CEP112: variants seen among roughly 807,000 people sequenced by gnomAD.
CEP112 encodes centrosomal protein 112.
CEP112 carries 127 observed loss-of-function variants against 153.0 expected under a neutral mutation model. The observed-to-expected ratio is 0.83, with a 90% confidence interval of 0.72 to 0.96. The LOEUF (loss-of-function observed/expected upper bound fraction) is 0.96. Among genes scored for constraint, CEP112 ranks in the 40% least tolerant of loss-of-function variants. The probability of loss-of-function intolerance (pLI) is 0.00; values close to 1 mark genes in which losing one functional copy is unlikely to be tolerated. For synonymous variants in CEP112, 358 were observed against 374.4 expected, an observed-to-expected ratio of 0.96 and a Z score of 0.51; for missense variants, 1,089 against 1,101.2, an observed-to-expected ratio of 0.99 and a Z score of 0.16.
intron 21 of CEP112, among the ~76,000 whole-genome samples, chr17:65,849,788 G>A (rs2057860240): frequency 6.6e-6 from 1 of 152,160 alleles, no homozygotes; most frequent in Non-Finnish European, 1.5e-5. Context: ...AAGATAAGTG[G>A]CAACACCACT....
chr17:65,949,642 A>G (rs2061755551), intron 18 of CEP112, among the ~76,000 whole-genome samples: 1 of 152,234 alleles, frequency 6.6e-6, no homozygotes, highest in African/African-American at 2.4e-5. Context: ...AGGAGACTCA[A>G]GTAGGTCTGG....
chr17:65,667,876 G>A (rs4791139), intron 24 of CEP112, among the ~76,000 whole-genome samples: 29,699 of 150,050 alleles, frequency 0.2, 3,541 homozygotes, highest in East Asian at 0.44. Context: ...GGAGGCCGAC[G>A]ACTGCGCCAC....
chr17:66,081,012 G>A (rs900880963), intron 8 of CEP112, among the ~76,000 whole-genome samples: 2 of 151,872 alleles, frequency 1.3e-5, no homozygotes, highest in Admixed American at 1.3e-4. Context: ...GGGACTGTCA[G>A]GGGGTAGGGG....
chr17:65,915,038 T>C (rs1324470621), intron 19 of CEP112, among the ~76,000 whole-genome samples: 1 of 152,200 alleles, frequency 6.6e-6, no homozygotes, highest in Non-Finnish European at 1.5e-5. Context: ...CCTGAAACAC[T>C]GCACACGGCT....
chr17:65,885,762 C>T (rs1380600570), intron 20 of CEP112, among the ~76,000 whole-genome samples: 1 of 152,186 alleles, frequency 6.6e-6, no homozygotes, highest in African/African-American at 2.4e-5. Flanking sequence ...CTAGCCTGTC[C>T]TGCAGTGACA....
intron 20 of CEP112, among the ~76,000 whole-genome samples, chr17:65,868,436 G>C (rs185320341): frequency 2.6e-5 from 4 of 151,764 alleles, no homozygotes; most frequent in Non-Finnish European, 5.9e-5. Flanking sequence ...GGAGATAAAG[G>C]TTGCAGCAAG....
At position 65,953,759 on chromosome 17, in the gene CEP112, C is replaced by T. The variant is rs74459995; in HGVS notation, c.1872+7704G>A. ...ATCCCCCTGGAAATATAACTCCACT[C>T]GACTGGGAACCACACTCCCATCCCC... is the stretch of plus-strand genomic sequence containing the variant. On this transcript the variant is annotated intron_variant, in intron 18 of 26. Transcript: ENST00000535342. Among the ~76,000 whole-genome samples, 32 of 152,220 alleles carry T rather than the reference C, an allele frequency of 2.1e-4. No individual in the cohort carries two copies. The East Asian group carries it at 6.2e-3, about 29-fold the overall frequency.
intron 16 of CEP112, among the ~76,000 whole-genome samples, chr17:66,008,752 T>C (rs1285519883): frequency 6.6e-6 from 1 of 152,150 alleles, no homozygotes; most frequent in Non-Finnish European, 1.5e-5. Context: ...GGAGTTTGAT[T>C]GCTTTTTCAG....
At chr17:65,793,926 T>C (rs915330992) in intron 21 of CEP112, among the ~76,000 whole-genome samples, 1 of 152,218 alleles carries the variant, frequency 6.6e-6, no homozygotes, top group Non-Finnish European at 1.5e-5. Context: ...CTACTCTCCA[T>C]AGCTACGAAG....
Position 66,131,673 on chromosome 17 carries a change from G to A in CEP112, c.564+997C>T, listed in dbSNP as rs7212476. ...GGAGAACGGCGTGAACCCGGGAGGC[G>A]GAGCTTGCAGTGAGCCGAGATCATG... On this transcript the variant is annotated intron_variant, in intron 5 of 26. Coordinates refer to ENST00000535342, the MANE Select transcript of CEP112 (RefSeq NM_001199165.4). Among the ~76,000 whole-genome samples the A allele has an allele frequency of 9.3e-3, 1,408 of 152,182 alleles. 11 individuals are homozygous for A. Among genetic ancestry groups the A allele is most frequent in the Non-Finnish European group, 0.016 (1,112 of 67,986 alleles).
intron 24 of CEP112, among the ~76,000 whole-genome samples, chr17:65,650,745 A>AT (rs1567810749): frequency 1.5e-4 from 22 of 150,828 alleles, no homozygotes; most frequent in Middle Eastern, 3.4e-3. Flanking sequence ...AAAAAAAAAA[A>AT]AAAAAAAAAA....
Position 65,713,677 on chromosome 17 carries a change from G to C in CEP112, c.2608-24459C>G, listed in dbSNP as rs534351540. On this transcript the variant is annotated intron_variant, in intron 23 of 26. Transcript: ENST00000535342. ...TCTCAGCTCACTGCAAGCTCTGCCT[G>C]CTGGGTTCACACCATTCTCCTGCCT... Among the ~76,000 whole-genome samples, 3 of 152,124 alleles carry C rather than the reference G, an allele frequency of 2.0e-5. No homozygotes were observed. The South Asian group carries it at 6.2e-4, about 32-fold the overall frequency.
At position 65,743,111 on chromosome 17, in the gene CEP112, T is replaced by C; in HGVS notation, c.2564A>G (p.Asp855Gly). The C allele has an allele frequency of 1.2e-6, 2 of 1,612,488 alleles. No individual in the cohort carries two copies. Among genetic ancestry groups the C allele is most frequent in the Non-Finnish European group, 1.7e-6 (2 of 1,179,492 alleles). ...ATCTCTAATCAGCTGCTTCTTCTCA[T>C]CTTCAAACTTTTGTCTAACATCCTG... ...RLQDVRQKFE[D>G]EKKQLIRDND... Residue 855 changes from aspartate (D) to glycine (G), a missense_variant, in exon 23 of 27, where the codon GAT becomes GGT. Coordinates refer to ENST00000535342, the MANE Select transcript of CEP112 (RefSeq NM_001199165.4).
chr17:65,976,384 CCTT>C (rs2063034651), intron 17 of CEP112, among the ~76,000 whole-genome samples: 1 of 152,076 alleles, frequency 6.6e-6, no homozygotes, highest in South Asian at 2.1e-4. Flanking sequence ...AAAACGTTAC[CCTT>C]TTTTTTAGGT....
At chr17:65,898,503 T>C (rs1315294643) in intron 20 of CEP112, among the ~76,000 whole-genome samples, 1 of 152,182 alleles carries the variant, frequency 6.6e-6, no homozygotes, top group Non-Finnish European at 1.5e-5. Context: ...GAATCAGTGA[T>C]AAGTTCAGCT....
At chr17:66,153,298 T>A (rs1222191414) in intron 4 of CEP112, among the ~76,000 whole-genome samples, 2 of 152,114 alleles carry the variant, frequency 1.3e-5, no homozygotes, top group Non-Finnish European at 2.9e-5. Context: ...ATCCATTAAC[T>A]GGTGAATGGA....
At chr17:65,967,871 T>A (rs1272510874) in intron 17 of CEP112, among the ~76,000 whole-genome samples, 1 of 122,004 alleles carries the variant, frequency 8.2e-6, no homozygotes, top group Admixed American at 1.1e-4. Flanking sequence ...ATTGAGAAAA[T>A]TATCCTTAAA....
At chr17:66,164,474 C>T (rs1385964570) in intron 4 of CEP112, among the ~76,000 whole-genome samples, 1 of 149,200 alleles carries the variant, frequency 6.7e-6, no homozygotes, top group Admixed American at 6.8e-5. Flanking sequence ...AGGAGAATCA[C>T]TGAACCCAGG....
At chr17:66,116,582 T>C (rs1292350355) in intron 6 of CEP112, among the ~76,000 whole-genome samples, 1 of 152,202 alleles carries the variant, frequency 6.6e-6, no homozygotes, top group Non-Finnish European at 1.5e-5. Context: ...CAGGAGTGTG[T>C]TTGTACTTCA....
Sources: allele counts gnomAD v4.1 joint callset (sites outside exome capture counted in the v4.1 genomes callset), GRCh38; gene constraint gnomAD v4.1.1; transcripts MANE v1.5; gene names NCBI Gene and HGNC (gene_info 2026-07-23, HGNC 2026-07-21).